Variants in CNTNAP2 observed in about 807,000 individuals in gnomAD.
The protein encoded by CNTNAP2 is contactin associated protein 2.
Under a neutral mutation model 155.2 loss-of-function variants are expected in CNTNAP2, and 98 were observed. The ratio of observed to expected loss-of-function variants is 0.63; its 90% CI spans 0.54 to 0.75. CNTNAP2 has a LOEUF of 0.75. Among genes scored for constraint, CNTNAP2 ranks in the 30% least tolerant of loss-of-function variants. The pLI, the probability that CNTNAP2 is intolerant of heterozygous loss-of-function variation, is 0.00. For missense variants in CNTNAP2, 1,727 were observed against 1,688.1 expected (o/e 1.02, Z -0.40); for synonymous variants, 651 against 631.2 (o/e 1.03, Z -0.47).
At chr7:147,220,643 T>C (rs1183041919) in intron 8 of CNTNAP2, among the ~76,000 whole-genome samples, 1 of 152,226 alleles carries the variant, frequency 6.6e-6, no homozygotes, top group Non-Finnish European at 1.5e-5. Flanking sequence ...TTCTGCCTTT[T>C]GTAGTTTCAA....
intron 9 of CNTNAP2, among the ~76,000 whole-genome samples, chr7:147,322,099 T>C (rs909056680): frequency 6.6e-6 from 1 of 152,158 alleles, no homozygotes; most frequent in Non-Finnish European, 1.5e-5. Flanking sequence ...GTGCCAGATA[T>C]TACATCCAAG....
At chr7:147,681,771 T>C (rs1795950409) in intron 13 of CNTNAP2, among the ~76,000 whole-genome samples, 1 of 151,756 alleles carries the variant, frequency 6.6e-6, no homozygotes, top group African/African-American at 2.4e-5. Context: ...CCAACTGTGG[T>C]CTGAAACTAT....
intron 1 of CNTNAP2, among the ~76,000 whole-genome samples, chr7:146,125,667 C>T (rs1797625528): frequency 6.6e-6 from 1 of 150,482 alleles, no homozygotes; most frequent in Admixed American, 6.6e-5. Context: ...TAAAAATGTG[C>T]CGTGGTGGGG....
At chr7:146,356,402 G>A (rs980672770) in intron 1 of CNTNAP2, among the ~76,000 whole-genome samples, 6 of 152,082 alleles carry the variant, frequency 3.9e-5, no homozygotes, top group African/African-American at 1.2e-4. Context: ...TAGCTTCAAG[G>A]TTTAACCGAA....
chr7:148,007,560 C>G (rs957574353), intron 15 of CNTNAP2, among the ~76,000 whole-genome samples: 2 of 151,400 alleles, frequency 1.3e-5, no homozygotes, highest in Non-Finnish European at 2.9e-5. Context: ...GCTTTGGAAT[C>G]ACTAAAAATT....
In CNTNAP2 at chr7:146,816,467, A is replaced by G. The variant is rs528800508; in HGVS notation, c.209-23244A>G. Among the ~76,000 whole-genome samples, 35 of 152,288 alleles carry G rather than the reference A, an allele frequency of 2.3e-4. No individual in the cohort carries two copies. In the South Asian group the frequency reaches 3.5e-3, roughly 15 times the overall value. On this transcript the variant is annotated intron_variant, in intron 2 of 23. Transcript: ENST00000361727. ...CGAGGACCTCACCAACTGACTGCCC[A>G]TGCCGGGAACAGTTGGCCATCCCAC...
intron 18 of CNTNAP2, among the ~76,000 whole-genome samples, chr7:148,185,175 A>G (rs914639251): frequency 2.0e-5 from 3 of 152,156 alleles, no homozygotes; most frequent in Admixed American, 1.3e-4. Flanking sequence ...GCTCACAACA[A>G]TCCAGCAAGA....
chr7:147,476,058 A>C (rs1019811432), intron 10 of CNTNAP2, among the ~76,000 whole-genome samples: 1 of 152,006 alleles, frequency 6.6e-6, no homozygotes, highest in African/African-American at 2.4e-5. Context: ...CTTTAATTTC[A>C]GAATATAATA....
Position 148,368,511 on chromosome 7 carries a change from A to G in CNTNAP2, c.3476-15138A>G, listed in dbSNP as rs1048138089. Among the ~76,000 whole-genome samples, 3 of 152,174 alleles carry G rather than the reference A, an allele frequency of 2.0e-5. No individual in the cohort carries two copies. In the East Asian group the frequency reaches 5.8e-4, roughly 29 times the overall value. On this transcript the variant is annotated intron_variant, in intron 21 of 23. Transcript: ENST00000361727. ...TTCCTAGCTCATGTGATTCTGGGCA[A>G]GTTACTTCACTACAGTGAGCGACAA...
intron 11 of CNTNAP2, among the ~76,000 whole-genome samples, chr7:147,533,519 T>C (rs1172752554): frequency 1.3e-5 from 2 of 151,946 alleles, no homozygotes; most frequent in Non-Finnish European, 2.9e-5. Flanking sequence ...ATTTATAAAA[T>C]TGAATCTTTT....
chr7:146,218,796 T>C (rs1473651513), intron 1 of CNTNAP2, among the ~76,000 whole-genome samples: 1 of 152,076 alleles, frequency 6.6e-6, no homozygotes, highest in African/African-American at 2.4e-5. Context: ...ATGGCAAAGC[T>C]TTGGGAGAAT....
intron 13 of CNTNAP2, among the ~76,000 whole-genome samples, chr7:147,715,350 A>AT (rs1234876902): frequency 6.6e-6 from 1 of 152,126 alleles, no homozygotes; most frequent in Non-Finnish European, 1.5e-5. Flanking sequence ...ATTTGATGTT[A>AT]TCACTATTTT....
chr7:146,591,549 G>A (rs1226029830), intron 1 of CNTNAP2, among the ~76,000 whole-genome samples: 1 of 152,198 alleles, frequency 6.6e-6, no homozygotes, highest in African/African-American at 2.4e-5. Context: ...GAGTGTCAAT[G>A]AGGAGACTGT....
intron 3 of CNTNAP2, among the ~76,000 whole-genome samples, chr7:146,975,978 T>C (rs536938625): frequency 6.6e-6 from 1 of 152,276 alleles, no homozygotes; most frequent in Admixed American, 6.5e-5. Context: ...CCACTTAAAG[T>C]CTAATGATGA....
chr7:146,173,514 A>T (rs1421069048), intron 1 of CNTNAP2, among the ~76,000 whole-genome samples: 1 of 152,066 alleles, frequency 6.6e-6, no homozygotes, highest in East Asian at 1.9e-4. Context: ...GTAAATATAC[A>T]TGCGTATTTT....
At chr7:148,191,892 T>C (rs1319995813) in intron 18 of CNTNAP2, among the ~76,000 whole-genome samples, 6 of 152,088 alleles carry the variant, frequency 3.9e-5, no homozygotes, top group Admixed American at 3.9e-4. Context: ...AGATAAGGGA[T>C]GAGTTAGTGA....
At chr7:148,246,627 A>G (rs570217235) in intron 20 of CNTNAP2, among the ~76,000 whole-genome samples, 10 of 152,236 alleles carry the variant, frequency 6.6e-5, no homozygotes, top group South Asian at 2.1e-4. Flanking sequence ...CTGTTTCATT[A>G]CTAGGTTTAG....
chr7:146,738,273 A>AT (rs149699996), intron 1 of CNTNAP2, among the ~76,000 whole-genome samples: 2,415 of 151,340 alleles, frequency 0.016, 67 homozygotes, highest in African/African-American at 0.056. Flanking sequence ...GATGTTCAAC[A>AT]TTTTTTTTCA....
chr7:146,425,624 A>G (rs1286716411), intron 1 of CNTNAP2, among the ~76,000 whole-genome samples: 1 of 152,176 alleles, frequency 6.6e-6, no homozygotes, highest in Non-Finnish European at 1.5e-5. Flanking sequence ...ATTTTCTTAT[A>G]TCTGAAGACC....
Sources: gnomAD v4.1 joint callset for allele counts (sites outside exome capture counted in the v4.1 genomes callset) on GRCh38, gnomAD v4.1.1 for gene constraint, MANE v1.5 for transcripts, NCBI Gene and HGNC (gene_info 2026-07-23, HGNC 2026-07-21) for gene names.